NDST4: variants seen among roughly 807,000 people sequenced by gnomAD.
NDST4 encodes N-heparan sulfate sulfotransferase 4.
Under a neutral mutation model 100.8 loss-of-function variants are expected in NDST4, and 63 were observed. The observed-to-expected ratio is 0.62, with a 90% CI of 0.51 to 0.77. NDST4 has a LOEUF of 0.77. Ranked by LOEUF, NDST4 falls within the 30% of genes least tolerant of loss-of-function variation. The pLI, the probability that NDST4 is intolerant of heterozygous loss-of-function variation, is 0.00. For missense variants in NDST4, 943 were observed against 1,018.4 expected, an observed-to-expected ratio of 0.93 and a Z score of 1.01; for synonymous variants, 377 against 361.8, an observed-to-expected ratio of 1.04 and a Z score of -0.48.
intron 2 of NDST4, among the ~76,000 whole-genome samples, chr4:115,010,901 T>G (rs971819093): frequency 1.3e-5 from 2 of 152,000 alleles, no homozygotes; most frequent in Non-Finnish European, 2.9e-5. Context: ...GCTTAAAAAT[T>G]TTGCTACAAA....
chr4:115,102,597 A>G (rs1006600222), intron 1 of NDST4, among the ~76,000 whole-genome samples: 1 of 151,850 alleles, frequency 6.6e-6, no homozygotes, highest in Admixed American at 6.6e-5. Context: ...GTAAGCAGTC[A>G]CTTCCATCAT....
intron 1 of NDST4, among the ~76,000 whole-genome samples, chr4:115,086,935 C>CT (rs1321215175): frequency 2.0e-5 from 3 of 152,006 alleles, no homozygotes; most frequent in African/African-American, 7.2e-5. Context: ...AGTAGAAATG[C>CT]TATCCGTGGC....
At chr4:114,903,722 G>A (rs1724893712) in intron 6 of NDST4, among the ~76,000 whole-genome samples, 1 of 151,936 alleles carries the variant, frequency 6.6e-6, no homozygotes, top group East Asian at 1.9e-4. Flanking sequence ...TGCTAGACCA[G>A]AAACTGTAAG....
chr4:115,070,517 A>G (rs1030844264), intron 2 of NDST4, among the ~76,000 whole-genome samples: 2 of 152,154 alleles, frequency 1.3e-5, no homozygotes, highest in Non-Finnish European at 2.9e-5. Flanking sequence ...ATCTTTAAAA[A>G]CATAATTAGT....
At chr4:114,971,626 T>C (rs1276408470) in intron 3 of NDST4, among the ~76,000 whole-genome samples, 1 of 152,112 alleles carries the variant, frequency 6.6e-6, no homozygotes, top group Admixed American at 6.5e-5. Flanking sequence ...GTTGTATTAT[T>C]TGGTTTATTC....
rs114395817 is a variant in NDST4, at chr4:115,028,585, A to G, written c.978+47474T>C. Among the ~76,000 whole-genome samples, 1,194 of 152,108 alleles carry G rather than the reference A, an allele frequency of 7.8e-3. 13 individuals carry two copies. The highest frequency in any genetic ancestry group is 0.025 in the African/African-American group (1,039 of 41,524). ...GAATACCAAAAAAAAAAAAATGTAT[A>G]TTAATCAAAGAAAGAGAGGAGCTAC... On this transcript the variant is annotated intron_variant, in intron 2 of 13. Coordinates refer to ENST00000264363, the MANE Select transcript of NDST4 (RefSeq NM_022569.3).
intron 6 of NDST4, among the ~76,000 whole-genome samples, chr4:114,909,628 CTG>C: frequency 7.1e-6 from 1 of 140,954 alleles, no homozygotes; most frequent in Non-Finnish European, 1.5e-5. Flanking sequence ...CCACTGCAGT[CTG>C]CAGTCCGGCC....
chr4:114,987,765 C>A (rs1339564812), intron 2 of NDST4, among the ~76,000 whole-genome samples: 1 of 152,188 alleles, frequency 6.6e-6, no homozygotes, highest in Non-Finnish European at 1.5e-5. Context: ...TGTATCTTAT[C>A]TTTTACCTCA....
intron 4 of NDST4, among the ~76,000 whole-genome samples, chr4:114,948,382 T>C (rs1159021907): frequency 1.3e-5 from 2 of 151,456 alleles, no homozygotes. Context: ...GAACCTTTAC[T>C]ACCAGGCAAA....
At chr4:114,864,139 G>A (rs1319124520) in intron 7 of NDST4, among the ~76,000 whole-genome samples, 2 of 152,022 alleles carry the variant, frequency 1.3e-5, no homozygotes, top group Non-Finnish European at 2.9e-5. Context: ...AGGACACCAT[G>A]GAATTATCAA....
chr4:114,860,934 C>T (rs981355249), intron 7 of NDST4, among the ~76,000 whole-genome samples: 1 of 152,204 alleles, frequency 6.6e-6, no homozygotes, highest in African/African-American at 2.4e-5. Context: ...TTGATTTCTA[C>T]TCTGGCACCA....
At chr4:115,071,232 C>T (rs1417430331) in intron 2 of NDST4, among the ~76,000 whole-genome samples, 1 of 151,790 alleles carries the variant, frequency 6.6e-6, no homozygotes, top group Non-Finnish European at 1.5e-5. Flanking sequence ...GATTCAGAAT[C>T]TCTACCTCAA....
intron 8 of NDST4, 70 bp downstream of exon 8, chr4:114,852,655 A>G (rs1723702625): frequency 1.2e-6 from 1 of 816,216 alleles, no homozygotes; most frequent in South Asian, 1.8e-5. Flanking sequence ...AATCTGATAA[A>G]TCCATATACC....
chr4:115,019,795 G>A (rs1197436427), intron 2 of NDST4, among the ~76,000 whole-genome samples: 1 of 152,078 alleles, frequency 6.6e-6, no homozygotes, highest in East Asian at 1.9e-4. Context: ...GGGGGAATGA[G>A]TTGCAGATAA....
intron 6 of NDST4, among the ~76,000 whole-genome samples, chr4:114,901,447 C>T (rs1316834358): frequency 1.3e-5 from 2 of 152,040 alleles, no homozygotes; most frequent in African/African-American, 2.4e-5. Flanking sequence ...AATATATCTA[C>T]TGCCACATTC....
intron 2 of NDST4, among the ~76,000 whole-genome samples, chr4:115,022,273 G>A (rs1197147595): frequency 1.3e-5 from 2 of 150,808 alleles, no homozygotes; most frequent in South Asian, 2.1e-4. Flanking sequence ...TAAGTTCCAC[G>A]TCTATGCACG....
At chr4:115,013,746 G>A (rs1727612298) in intron 2 of NDST4, among the ~76,000 whole-genome samples, 2 of 151,864 alleles carry the variant, frequency 1.3e-5, no homozygotes, top group South Asian at 4.2e-4. Context: ...GCAGCTGATA[G>A]AATCCCTATA....
At chr4:114,877,912 A>G (rs547960345) in intron 6 of NDST4, among the ~76,000 whole-genome samples, 1 of 152,128 alleles carries the variant, frequency 6.6e-6, no homozygotes, top group Admixed American at 6.5e-5. Flanking sequence ...AGATCATGCC[A>G]CTGCATTACA....
chr4:114,929,093 CATCCATCCATCCATCCATCCATCT>C (rs1725450302), intron 6 of NDST4, among the ~76,000 whole-genome samples: 2 of 108,470 alleles, frequency 1.8e-5, no homozygotes, highest in African/African-American at 6.9e-5. Context: ...TCCATCCATC[CATCCATCCATCCATCCATCCATCT>C]ATCTATCTAT....
Sources: allele counts gnomAD v4.1 joint callset (sites outside exome capture counted in the v4.1 genomes callset), GRCh38; gene constraint gnomAD v4.1.1; transcripts MANE v1.5; gene names NCBI Gene and HGNC (gene_info 2026-07-23, HGNC 2026-07-21).